Variants in ZNF561 observed in about 807,000 individuals in gnomAD.
The protein encoded by ZNF561 is zinc finger protein 561.
ZNF561 carries 16 observed loss-of-function variants against 16.7 expected under a neutral mutation model. That is an observed-to-expected ratio of 0.96 (90% CI 0.65 to 1.45). The LOEUF is 1.45. Ranked by LOEUF, ZNF561 falls within the 40% of genes most tolerant of loss-of-function variation. ZNF561 has a pLI of 0.00. For synonymous variants in ZNF561, 190 were observed against 192.1 expected (o/e 0.99, Z 0.09); for missense variants, 580 against 578.0 (o/e 1.00, Z -0.04).
chr19:9,610,140 T>G lies in ZNF561; in HGVS notation c.*60A>C, dbSNP rs1396393621. The G allele has an allele frequency of 1.4e-6, 2 of 1,453,404 alleles. No homozygotes were observed. Among genetic ancestry groups the G allele is most frequent in the African/African-American group, 2.8e-5 (2 of 70,622 alleles). 90.0% of individuals were successfully genotyped at this position (1,453,404 alleles called of 1,614,324 possible). ...GTCATTACAACCTCCAAAAGGCATT[T>G]AGGACAAATCTGATAATCTTTGGTG... On this transcript the variant is annotated 3_prime_UTR_variant, in exon 6 of 6. Transcript: ENST00000302851.
chr19:9,612,625 A>G (rs897693485), intron 5 of ZNF561, among the ~76,000 whole-genome samples: 2 of 151,866 alleles, frequency 1.3e-5, no homozygotes, highest in African/African-American at 4.8e-5. Flanking sequence ...GATTACAGCC[A>G]TGAGCTACCA....
chr19:9,613,490 C>T (rs1325325355), intron 5 of ZNF561, among the ~76,000 whole-genome samples: 3 of 152,080 alleles, frequency 2.0e-5, no homozygotes, highest in Admixed American at 6.6e-5. Context: ...GTGCCTAGGC[C>T]TCCCAAAGGG....
rs752535892 is a variant in ZNF561, at chr19:9,610,881, T to C, written c.780A>G (p.Lys260=). The C allele has an allele frequency of 3.1e-6, 5 of 1,614,178 alleles. No homozygotes were observed. Among genetic ancestry groups the C allele is most frequent in the African/African-American group, 1.3e-5 (1 of 75,048 alleles). ...AAAGTTGAGAAAAATTAGTGAAGGA[T>C]TTCCCACATTTCTTAGTCTTTTTGG... ...KKSKKTKKCG[K]SFTNFSQLYA... Residue 260 remains lysine, a synonymous_variant, in exon 6 of 6, where the codon AAA becomes AAG. Transcript: ENST00000302851.
At chr19:9,611,746 G>A (rs2074462578) in intron 5 of ZNF561, among the ~76,000 whole-genome samples, 1 of 151,592 alleles carries the variant, frequency 6.6e-6, no homozygotes, top group East Asian at 2.0e-4. Flanking sequence ...CACCCAGTAT[G>A]TTTCACTTTT....
chr19:9,615,264 T>C (rs1390387600), intron 4 of ZNF561, among the ~76,000 whole-genome samples: 2 of 152,256 alleles, frequency 1.3e-5, no homozygotes, highest in Middle Eastern at 3.4e-3. Flanking sequence ...TTCAGACTTA[T>C]GTACACACCT....
At chr19:9,617,982 G>A (rs532148577) in intron 3 of ZNF561, 109 bp downstream of exon 3, 2 of 1,017,474 alleles carry the variant, frequency 2.0e-6, no homozygotes, top group Non-Finnish European at 2.9e-6. Flanking sequence ...CTTGAGTAAG[G>A]CTTCATTTGC....
chr19:9,618,315 T>C, intron 2 of ZNF561, 136 bp from the exon 3 acceptor site: 1 of 867,698 alleles, frequency 1.2e-6, no homozygotes, highest in Non-Finnish European at 1.7e-6. Flanking sequence ...CACACAACAC[T>C]TCCATGAAAT....
intron 5 of ZNF561, 88 bp from the exon 6 acceptor site, chr19:9,611,424 A>G (rs748095964): frequency 7.3e-5 from 98 of 1,336,442 alleles, no homozygotes; most frequent in Non-Finnish European, 9.5e-5. Flanking sequence ...TTTGATGACA[A>G]TTATGATTTT....
At chr19:9,614,811 C>A (rs1488758920) in intron 4 of ZNF561, among the ~76,000 whole-genome samples, 2 of 150,706 alleles carry the variant, frequency 1.3e-5, no homozygotes, top group Non-Finnish European at 3.0e-5. Flanking sequence ...TAGCTTAAAT[C>A]TTCTGAGGCA....
intron 4 of ZNF561, among the ~76,000 whole-genome samples, chr19:9,615,855 C>CTCTA (rs1414804023): frequency 6.6e-6 from 1 of 151,794 alleles, no homozygotes; most frequent in Non-Finnish European, 1.5e-5. Flanking sequence ...CACCATTACA[C>CTCTA]TCTAGCCTGG....
At chr19:9,611,763 GT>G (rs1315049695) in intron 5 of ZNF561, among the ~76,000 whole-genome samples, 1 of 151,892 alleles carries the variant, frequency 6.6e-6, no homozygotes, top group Non-Finnish European at 1.5e-5. Flanking sequence ...TTTTTTCAGA[GT>G]TGGGGTTTTG....
rs1343189931 is a variant in ZNF561 at position 9,611,071 on chromosome 19, T to C, written c.590A>G (p.Tyr197Cys). The C allele has an allele frequency of 6.2e-7, 1 of 1,614,050 alleles. No individual in the cohort carries two copies. Among genetic ancestry groups the C allele is most frequent in the African/African-American group, 1.3e-5 (1 of 74,932 alleles). ...GCCTTTTCCACATTCCTTACATTTGTAGGGTTGTCTTGCATTGAGAACTTC... is the reference window on the plus strand; with the variant it reads ...GCCTTTTCCACATTCCTTACATTTGCAGGGTTGTCTTGCATTGAGAACTTC... ...HLEVLNARQP[Y>C]KCKECGKGFK... Residue 197 changes from tyrosine (Y) to cysteine (C), a missense_variant, in exon 6 of 6, where the codon TAC (tyrosine) becomes TGC (cysteine). By Grantham distance (194) the Tyr-to-Cys change is radical. Transcript: ENST00000302851.
At position 9,611,340 on chromosome 19, in the gene ZNF561, T is replaced by C. The variant is rs750750669; in HGVS notation, c.325-4A>G. The C allele has an allele frequency of 1.1e-5, 18 of 1,598,502 alleles. No individual in the cohort carries two copies. Among genetic ancestry groups the C allele is most frequent in the Admixed American group, 1.7e-5 (1 of 57,906 alleles). On this transcript the variant is annotated splice_polypyrimidine_tract_variant and splice_region_variant and intron_variant, in intron 5 of 5. Coordinates refer to ENST00000302851, the MANE Select transcript of ZNF561 (RefSeq NM_152289.3). The stretch of plus-strand genomic sequence containing the variant: ...TCCATCCACTGTAGCCTCTTGTCTG[T>C]TGATGACGAGATAAAGGTTTTAAAA...
intron 2 of ZNF561, 130 bp from the exon 3 acceptor site, chr19:9,618,309 C>T: frequency 1.1e-6 from 1 of 914,440 alleles, no homozygotes; most frequent in African/African-American, 1.7e-5. Context: ...ACTACACACA[C>T]AACACTTCCA....
chr19:9,618,256 A>T (rs1472172941), intron 2 of ZNF561, 77 bp from the exon 3 acceptor site: 26 of 1,359,492 alleles, frequency 1.9e-5, no homozygotes, highest in Middle Eastern at 2.5e-4. Context: ...AAGTCATTCC[A>T]TCCTAGCTTG....
chr19:9,611,228 T>C lies in ZNF561; in HGVS notation c.433A>G (p.Thr145Ala). Residue 145 changes from threonine (T) to alanine (A), a missense_variant, in exon 6 of 6, where the codon ACT becomes GCT. Coordinates refer to ENST00000302851, the MANE Select transcript of ZNF561 (RefSeq NM_152289.3). ...THMRVQNGGNTSEGNCYGKDT... is the reference protein window; with the variant it reads ...THMRVQNGGNASEGNCYGKDT... Reference sequence around the variant, plus strand: ...TTTCCATAACAATTACCCTCAGAAGTATTCCCTCCATTCTGAACTCTCATG... The same window carrying C: ...TTTCCATAACAATTACCCTCAGAAGCATTCCCTCCATTCTGAACTCTCATG... 6.2e-7 allele frequency: 1 copy of C among 1,613,944 alleles called. No homozygotes were observed. Among genetic ancestry groups the C allele is most frequent in the African/African-American group, 1.3e-5 (1 of 75,026 alleles).
At chr19:9,612,477 C>T (rs1461282796) in intron 5 of ZNF561, among the ~76,000 whole-genome samples, 2 of 152,174 alleles carry the variant, frequency 1.3e-5, no homozygotes, top group Non-Finnish European at 2.9e-5. Context: ...CTCAACCTCC[C>T]AAATTGCTGG....
intron 2 of ZNF561, chr19:9,619,077 T>TCAAAAA (rs1254783519): frequency 6.4e-6 from 1 of 157,142 alleles, no homozygotes; most frequent in East Asian, 1.8e-4. Context: ...AGATTCTGTC[T>TCAAAAA]CAAAAACAAA....
Position 9,610,148 on chromosome 19 carries a change from A to C in ZNF561, c.*52T>G, listed in dbSNP as rs772205806. 2.8e-5 allele frequency: 42 copies of C among 1,484,054 alleles called. No individual in the cohort carries two copies. The highest frequency in any genetic ancestry group is 3.7e-5 in the Non-Finnish European group (41 of 1,107,012). The allele number at this position is 1,484,054 out of a possible 1,614,324, so 91.9% of individuals were successfully genotyped here. On this transcript the variant is annotated 3_prime_UTR_variant, in exon 6 of 6. Coordinates refer to ENST00000302851, the MANE Select transcript of ZNF561 (RefSeq NM_152289.3). ...AACCTCCAAAAGGCATTTAGGACAAATCTGATAATCTTTGGTGTCATTGCC... is the reference window on the plus strand; with the variant it reads ...AACCTCCAAAAGGCATTTAGGACAACTCTGATAATCTTTGGTGTCATTGCC...
Sources: gnomAD v4.1 joint callset for allele counts (sites outside exome capture counted in the v4.1 genomes callset) on GRCh38, gnomAD v4.1.1 for gene constraint, MANE v1.5 for transcripts, NCBI Gene and HGNC (gene_info 2026-07-23, HGNC 2026-07-21) for gene names.